Variants in CA10 observed in about 807,000 individuals in gnomAD.
CA10 encodes the protein carbonic anhydrase-related protein 10.
A neutral mutation model predicts 44.2 loss-of-function variants in CA10; 14 were observed. That is an observed-to-expected ratio of 0.32 (90% CI 0.21 to 0.50). The LOEUF (loss-of-function observed/expected upper bound fraction) is 0.50, where lower values mean the gene tolerates loss of function less well. CA10 is among the 20% of genes least tolerant of loss of function. The probability of loss-of-function intolerance (pLI) is 0.99; values close to 1 mark genes in which losing one functional copy is unlikely to be tolerated. For missense variants in CA10, 350 were observed against 409.7 expected (o/e 0.85, Z 1.26); for synonymous variants, 159 against 141.6 (o/e 1.12, Z -0.87).
intron 4 of CA10, among the ~76,000 whole-genome samples, chr17:51,671,863 C>G (rs1219066888): frequency 6.6e-6 from 1 of 152,220 alleles, no homozygotes; most frequent in Non-Finnish European, 1.5e-5. Context: ...CTTTTGAAAT[C>G]TTGTAACATT....
At chr17:51,679,695 T>G (rs536083713) in intron 4 of CA10, among the ~76,000 whole-genome samples, 29 of 151,934 alleles carry the variant, frequency 1.9e-4, no homozygotes, top group Middle Eastern at 3.4e-3. Flanking sequence ...AAATGGAGAC[T>G]CCGTATTTCT....
chr17:51,861,106 G>C (rs563966017), intron 3 of CA10, among the ~76,000 whole-genome samples: 6 of 152,286 alleles, frequency 3.9e-5, no homozygotes, highest in South Asian at 2.1e-4. Flanking sequence ...CTGCGTTTCT[G>C]CTTTGCCAGC....
chr17:51,748,549 TCAA>T, intron 3 of CA10: 3 of 903,050 alleles, frequency 3.3e-6, no homozygotes, highest in Non-Finnish European at 4.0e-6. Flanking sequence ...GACTGTGACC[TCAA>T]CAACAATTGA....
chr17:51,887,348 G>A (rs1259743198), intron 3 of CA10, among the ~76,000 whole-genome samples: 2 of 152,202 alleles, frequency 1.3e-5, no homozygotes, highest in African/African-American at 4.8e-5. Context: ...CAGAATGGAG[G>A]AGAGCAGCAG....
chr17:51,877,758 AG>A (rs1325545369), intron 3 of CA10, among the ~76,000 whole-genome samples: 1 of 152,196 alleles, frequency 6.6e-6, no homozygotes, highest in Non-Finnish European at 1.5e-5. Context: ...GTCAGTGTAT[AG>A]AAGGTCTTTC....
chr17:52,089,780 C>T (rs904957647), intron 1 of CA10, among the ~76,000 whole-genome samples: 2 of 151,878 alleles, frequency 1.3e-5, no homozygotes, highest in African/African-American at 2.4e-5. Flanking sequence ...AAATTTTATG[C>T]ATGCATGCAT....
At chr17:51,962,752 G>A (rs778018778) in intron 2 of CA10, among the ~76,000 whole-genome samples, 23 of 151,942 alleles carry the variant, frequency 1.5e-4, no homozygotes, top group Non-Finnish European at 2.6e-4. Context: ...ATATTATAGG[G>A]AAATAAAGAA....
chr17:51,947,072 C>G (rs1983306109), intron 2 of CA10, among the ~76,000 whole-genome samples: 1 of 151,942 alleles, frequency 6.6e-6, no homozygotes, highest in Admixed American at 6.6e-5. Flanking sequence ...ATGAATGCTT[C>G]CATTGTCTCA....
intron 1 of CA10, among the ~76,000 whole-genome samples, chr17:52,073,489 A>G (rs780844237): frequency 1.5e-4 from 23 of 152,076 alleles, no homozygotes; most frequent in Non-Finnish European, 2.5e-4. Context: ...GTTGAAGGAG[A>G]TTTTCTGACA....
intron 3 of CA10, among the ~76,000 whole-genome samples, chr17:51,780,691 C>T (rs1356330293): frequency 2.6e-5 from 4 of 152,188 alleles, no homozygotes; most frequent in Non-Finnish European, 5.9e-5. Flanking sequence ...AAGTGACTAA[C>T]TCCTCGAAAA....
intron 3 of CA10, among the ~76,000 whole-genome samples, chr17:51,860,943 C>T (rs561271368): frequency 7.2e-5 from 11 of 152,234 alleles, no homozygotes; most frequent in African/African-American, 1.9e-4. Context: ...GGCTGTATTG[C>T]GCTGACCTCC....
chr17:51,684,787 G>A (rs559926688), intron 4 of CA10, among the ~76,000 whole-genome samples: 2 of 152,216 alleles, frequency 1.3e-5, no homozygotes, highest in African/African-American at 4.8e-5. Flanking sequence ...AAAATAAATG[G>A]ATTCTTTGAT....
intron 3 of CA10, among the ~76,000 whole-genome samples, chr17:51,870,554 T>C (rs1396338416): frequency 2.6e-5 from 4 of 152,246 alleles, no homozygotes; most frequent in Admixed American, 2.6e-4. Flanking sequence ...TCAACTGTTC[T>C]TTCAGGCATG....
At chr17:51,848,078 A>G (rs1413227286) in intron 3 of CA10, among the ~76,000 whole-genome samples, 1 of 152,228 alleles carries the variant, frequency 6.6e-6, no homozygotes, top group East Asian at 1.9e-4. Context: ...AGAGGTGCCA[A>G]AATCTCAGTG....
At chr17:52,131,860 G>A (rs1406240321) in intron 1 of CA10, among the ~76,000 whole-genome samples, 1 of 152,210 alleles carries the variant, frequency 6.6e-6, no homozygotes, top group Non-Finnish European at 1.5e-5. Flanking sequence ...GTCCTTTGTA[G>A]GGATATGGAT....
chr17:51,895,479 T>A (rs993344704), intron 3 of CA10, among the ~76,000 whole-genome samples: 1 of 152,114 alleles, frequency 6.6e-6, no homozygotes, highest in African/African-American at 2.4e-5. Context: ...ATCTTCAGGT[T>A]GTACTTCAGC....
intron 1 of CA10, among the ~76,000 whole-genome samples, chr17:52,114,051 C>T (rs1028919445): frequency 1.3e-5 from 2 of 152,142 alleles, no homozygotes; most frequent in Non-Finnish European, 2.9e-5. Context: ...GAGTAGCCTC[C>T]CCAGAGTCAG....
chr17:51,757,984 T>A (rs1256246889), intron 3 of CA10, among the ~76,000 whole-genome samples: 1 of 152,186 alleles, frequency 6.6e-6, no homozygotes, highest in Non-Finnish European at 1.5e-5. Flanking sequence ...GGAACCAGAC[T>A]GGAGCGATCT....
At chr17:51,699,271 C>T (rs768476418) in intron 4 of CA10, among the ~76,000 whole-genome samples, 2 of 150,442 alleles carry the variant, frequency 1.3e-5, no homozygotes, top group South Asian at 2.1e-4. Flanking sequence ...TGCAGTGAGC[C>T]GAGATCATGC....
Sources: allele counts gnomAD v4.1 joint callset (sites outside exome capture counted in the v4.1 genomes callset), GRCh38; gene constraint gnomAD v4.1.1; transcripts MANE v1.5; gene names NCBI Gene and HGNC (gene_info 2026-07-23, HGNC 2026-07-21).